Variants in DMXL1 observed in about 807,000 individuals in gnomAD.
DMXL1 encodes dmX-like protein 1.
DMXL1 carries 99 observed loss-of-function variants against 319.2 expected under a neutral mutation model. The observed-to-expected ratio is 0.31, with a 90% CI of 0.26 to 0.37. The LOEUF (loss-of-function observed/expected upper bound fraction) is 0.37. DMXL1 is among the 10% of genes least tolerant of loss of function. The pLI, the probability that DMXL1 is intolerant of heterozygous loss-of-function variation, is 1.00. For missense variants in DMXL1, 3,745 were observed against 3,595.6 expected, an observed-to-expected ratio of 1.04 and a Z score of -1.06; for synonymous variants, 1,385 against 1,235.2, an observed-to-expected ratio of 1.12 and a Z score of -2.54.
At chr5:119,224,387 T>C (rs924963930) in intron 37 of DMXL1, among the ~76,000 whole-genome samples, 15 of 152,068 alleles carry the variant, frequency 9.9e-5, no homozygotes, top group Non-Finnish European at 1.9e-4. Context: ...TGCTCCTGTC[T>C]TTTAAACTTA....
chr5:119,110,870 C>A (rs931013005), intron 5 of DMXL1, among the ~76,000 whole-genome samples: 1 of 152,192 alleles, frequency 6.6e-6, no homozygotes, highest in African/African-American at 2.4e-5. Context: ...CTTACTGCAA[C>A]CTCCACCTCC....
chr5:119,203,402 A>G lies in DMXL1; in HGVS notation c.7829A>G (p.Lys2610Arg), dbSNP rs1269591740. The change falls in exon 33 of 44, where the codon AAA becomes AGA. Residue 2610 changes from lysine to arginine, a missense_variant. Coordinates refer to ENST00000539542, the MANE Select transcript of DMXL1 (RefSeq NM_001290321.3). The stretch of plus-strand genomic sequence containing the variant: ...GAAGAAATTCAGGAAACCTTTATCA[A>G]AAATATATTCACAAAGAAACGGTGT... The part of the protein sequence containing the change: ...KQEEIQETFI[K>R]NIFTKKRCLN... 1.9e-6 allele frequency: 3 copies of G among 1,605,240 alleles called. No individual in the cohort carries two copies. Among genetic ancestry groups the G allele is most frequent in the South Asian group, 2.2e-5 (2 of 89,708 alleles).
intron 23 of DMXL1, among the ~76,000 whole-genome samples, chr5:119,168,169 A>C (rs993633707): frequency 6.6e-6 from 1 of 152,200 alleles, no homozygotes; most frequent in African/African-American, 2.4e-5. Context: ...TCTTAGGTTG[A>C]ATTTAGTGTG....
chr5:119,132,454 G>T (rs1245585103), intron 10 of DMXL1, among the ~76,000 whole-genome samples: 2 of 152,232 alleles, frequency 1.3e-5, no homozygotes, highest in East Asian at 3.9e-4. Flanking sequence ...GCCGAGGCAG[G>T]TGGATCACGA....
At chr5:119,100,890 C>T (rs904312668) in intron 2 of DMXL1, among the ~76,000 whole-genome samples, 4 of 146,072 alleles carry the variant, frequency 2.7e-5, no homozygotes, top group African/African-American at 7.5e-5. Context: ...CGCCATTCTC[C>T]TGCCTCAGCC....
At chr5:119,205,847 T>A (rs191088774) in intron 33 of DMXL1, among the ~76,000 whole-genome samples, 2 of 152,118 alleles carry the variant, frequency 1.3e-5, no homozygotes, top group Non-Finnish European at 2.9e-5. Flanking sequence ...CCATCTCTTA[T>A]TTTTCTAAAA....
At chr5:119,166,416 A>T (rs1459618460) in intron 21 of DMXL1, among the ~76,000 whole-genome samples, 200 bp from the exon 22 acceptor site, 4 of 152,164 alleles carry the variant, frequency 2.6e-5, no homozygotes, top group African/African-American at 7.2e-5. Flanking sequence ...AGAAAGAAAA[A>T]TTTTTTGTAA....
intron 40 of DMXL1, 75 bp downstream of exon 40, chr5:119,237,489 C>T: frequency 1.1e-6 from 1 of 882,634 alleles, no homozygotes; most frequent in Non-Finnish European, 1.9e-6. Context: ...GTATTTGAGA[C>T]AAGAAATATA....
chr5:119,088,903 A>G (rs1580624316), intron 1 of DMXL1, among the ~76,000 whole-genome samples: 1 of 152,256 alleles, frequency 6.6e-6, no homozygotes, highest in East Asian at 1.9e-4. Flanking sequence ...AGTTATGAAT[A>G]GGTTACACAC....
chr5:119,134,425 ATAT>A (rs777243239), intron 13 of DMXL1, 36 bp downstream of exon 13: 92 of 1,519,440 alleles, frequency 6.1e-5, no homozygotes, highest in East Asian at 2.3e-4. Context: ...TAAGTATATA[ATAT>A]TATGTTTTCA....
At position 119,166,535 on chromosome 5, in the gene DMXL1, A is replaced by G. The variant is rs1039851564; in HGVS notation, c.4971-81A>G. ...CAGATGTTTCTATTTAGACTTAGCC[A>G]AATCTTAACTTTAGAAAATTGATTC... is the stretch of plus-strand genomic sequence containing the variant. On this transcript the variant is annotated intron_variant, in intron 21 of 43. Coordinates refer to ENST00000539542, the MANE Select transcript of DMXL1 (RefSeq NM_001290321.3). The G allele has an allele frequency of 1.0e-5, 13 of 1,302,516 alleles. No homozygotes were observed. The African/African-American group carries it at 2.0e-4, about 20-fold the overall frequency. 80.7% of individuals were successfully genotyped at this position (1,302,516 alleles called of 1,614,324 possible).
intron 35 of DMXL1, among the ~76,000 whole-genome samples, chr5:119,219,056 T>A (rs1784191202): frequency 6.6e-6 from 1 of 152,186 alleles, no homozygotes; most frequent in Non-Finnish European, 1.5e-5. Flanking sequence ...GACATACGAC[T>A]CTTGGATCAG....
rs750975071 is a variant in DMXL1 at position 119,151,981 on chromosome 5, C to T, written c.4647C>T (p.Leu1549=). Residue 1549 remains leucine (L), a synonymous_variant, in exon 19 of 44, where the codon CTC becomes CTT. Transcript: ENST00000539542. ...TAAAATTTCTTTTGGCTGTTCGACTCCATACCTTTCTTACAACTTCCCTTC... is the reference window on the plus strand; with the variant it reads ...TAAAATTTCTTTTGGCTGTTCGACTTCATACCTTTCTTACAACTTCCCTTC... The part of the protein sequence containing the change: ...CGLKFLLAVR[L]HTFLTTSLPA... 1.2e-6 allele frequency: 2 copies of T among 1,613,208 alleles called. No homozygotes were observed. The highest frequency in any genetic ancestry group is 2.2e-5 in the East Asian group (1 of 44,776).
intron 38 of DMXL1, among the ~76,000 whole-genome samples, chr5:119,230,298 A>G (rs949070816): frequency 5.9e-5 from 9 of 152,158 alleles, no homozygotes; most frequent in African/African-American, 2.2e-4. Context: ...ATTTGCTTTC[A>G]TTTACCAAAG....
intron 1 of DMXL1, among the ~76,000 whole-genome samples, chr5:119,097,746 T>A (rs1470209672): frequency 6.6e-6 from 1 of 151,828 alleles, no homozygotes; most frequent in African/African-American, 2.4e-5. Flanking sequence ...TGGACAGAGT[T>A]CAGAGTTGAT....
rs146793165 is a variant in DMXL1, at chr5:119,175,280, T to C, written c.6701T>C (p.Leu2234Ser). The change falls in exon 26 of 44, where the codon TTA (leucine) becomes TCA (serine). Residue 2234 changes from leucine to serine, a missense_variant. Coordinates refer to ENST00000539542, the MANE Select transcript of DMXL1 (RefSeq NM_001290321.3). ...QSNKVYVMHTLAASLSACIYQ... is the reference protein window; with the variant it reads ...QSNKVYVMHTSAASLSACIYQ... The stretch of plus-strand genomic sequence containing the variant: ...TTCCAGGTGTATGTAATGCATACTT[T>C]AGCAGCTTCACTTTCTGCTTGTATT... 10 of 1,611,882 alleles carry C rather than the reference T, an allele frequency of 6.2e-6. No individual in the cohort carries two copies. The East Asian group carries it at 6.7e-5, about 11-fold the overall frequency.
At chr5:119,185,676 T>C (rs1463264699) in intron 28 of DMXL1, among the ~76,000 whole-genome samples, 1 of 152,066 alleles carries the variant, frequency 6.6e-6, no homozygotes, top group Non-Finnish European at 1.5e-5. Context: ...CTAATTTTTG[T>C]ATTTTTAGTA....
At chr5:119,173,746 A>ATGTGTGTGTG (rs1301093998) in intron 25 of DMXL1, among the ~76,000 whole-genome samples, 2 of 65,718 alleles carry the variant, frequency 3.0e-5, no homozygotes, top group African/African-American at 1.1e-4. Flanking sequence ...GTATATATAT[A>ATGTGTGTGTG]TGTGTGTGTA....
At chr5:119,134,533 T>G (rs1765582197) in intron 13 of DMXL1, 144 bp downstream of exon 13, 1 of 739,946 alleles carries the variant, frequency 1.4e-6, no homozygotes, top group Non-Finnish European at 2.1e-6. Flanking sequence ...ATTTGTACTC[T>G]TGTAATGATT....
Sources: allele counts gnomAD v4.1 joint callset (sites outside exome capture counted in the v4.1 genomes callset), GRCh38; gene constraint gnomAD v4.1.1; transcripts MANE v1.5; gene names NCBI Gene and HGNC (gene_info 2026-07-23, HGNC 2026-07-21).